Variants in DUSP16 observed in about 807,000 individuals in gnomAD.
The protein encoded by DUSP16 is dual specificity protein phosphatase 16.
A neutral mutation model predicts 58.3 loss-of-function variants in DUSP16; 21 were observed. That is an observed-to-expected ratio of 0.36 (90% CI 0.26 to 0.52). The LOEUF is 0.52. Ranked by LOEUF, DUSP16 falls within the 20% of genes least tolerant of loss-of-function variation. DUSP16 has a pLI of 0.94. For missense variants in DUSP16, 726 were observed against 819.0 expected, an observed-to-expected ratio of 0.89 and a Z score of 1.39; for synonymous variants, 320 against 323.8, an observed-to-expected ratio of 0.99 and a Z score of 0.12.
At chr12:12,526,776 A>G (rs1338220319) in intron 1 of DUSP16, among the ~76,000 whole-genome samples, 2 of 152,242 alleles carry the variant, frequency 1.3e-5, no homozygotes, top group East Asian at 3.9e-4. Context: ...ACTATATCCC[A>G]CTCAGAAAAA....
intron 1 of DUSP16, among the ~76,000 whole-genome samples, chr12:12,555,573 T>A (rs1490987349): frequency 6.6e-6 from 1 of 152,238 alleles, no homozygotes; most frequent in East Asian, 1.9e-4. Flanking sequence ...ATATTAATTA[T>A]CTTGCCATAC....
chr12:12,502,157 A>G (rs916842534), intron 3 of DUSP16, among the ~76,000 whole-genome samples: 1 of 152,196 alleles, frequency 6.6e-6, no homozygotes, highest in Non-Finnish European at 1.5e-5. Flanking sequence ...CAAGAAACAC[A>G]CAAAATATGC....
chr12:12,537,702 A>C (rs1364547389), intron 1 of DUSP16, among the ~76,000 whole-genome samples: 1 of 152,260 alleles, frequency 6.6e-6, no homozygotes, highest in Admixed American at 6.5e-5. Context: ...ATTATGAAAT[A>C]CATTCAAAAG....
intron 3 of DUSP16, among the ~76,000 whole-genome samples, chr12:12,517,205 T>C (rs1944166651): frequency 6.6e-6 from 1 of 152,246 alleles, no homozygotes; most frequent in African/African-American, 2.4e-5. Flanking sequence ...TATCTGATGC[T>C]TTCTTTTCTC....
intron 1 of DUSP16, among the ~76,000 whole-genome samples, chr12:12,553,628 G>C (rs1161958918): frequency 6.6e-6 from 1 of 152,060 alleles, no homozygotes; most frequent in African/African-American, 2.4e-5. Context: ...CTGCAGCCTT[G>C]ACCTGCCAGG....
intron 3 of DUSP16, among the ~76,000 whole-genome samples, chr12:12,506,899 G>A (rs1167231522): frequency 6.6e-6 from 1 of 152,170 alleles, no homozygotes; most frequent in Non-Finnish European, 1.5e-5. Flanking sequence ...AAAACATCTG[G>A]TACAGCTTCT....
chr12:12,561,576 G>A (rs189208679), intron 1 of DUSP16, among the ~76,000 whole-genome samples: 48 of 152,326 alleles, frequency 3.2e-4, no homozygotes, highest in African/African-American at 1.0e-3. Flanking sequence ...TCCGAAAATT[G>A]AGGGCTTTTT....
At chr12:12,551,377 G>A (rs1037491744) in intron 1 of DUSP16, among the ~76,000 whole-genome samples, 9 of 150,394 alleles carry the variant, frequency 6.0e-5, no homozygotes, top group South Asian at 2.1e-4. Flanking sequence ...GTGGTGGTGC[G>A]TGTAATCTGA....
At chr12:12,543,832 CTATT>C (rs1329563057) in intron 1 of DUSP16, among the ~76,000 whole-genome samples, 1 of 151,572 alleles carries the variant, frequency 6.6e-6, no homozygotes, top group Admixed American at 6.6e-5. Context: ...TAAGCCTGTT[CTATT>C]TATTTATGAG....
chr12:12,502,881 G>A (rs1479913703), intron 3 of DUSP16, among the ~76,000 whole-genome samples: 2 of 151,948 alleles, frequency 1.3e-5, no homozygotes, highest in Non-Finnish European at 2.9e-5. Flanking sequence ...ACATTTCCAT[G>A]CCGTTCTCTT....
chr12:12,538,775 G>T (rs1013358615), intron 1 of DUSP16, among the ~76,000 whole-genome samples: 1 of 152,154 alleles, frequency 6.6e-6, no homozygotes, highest in Admixed American at 6.5e-5. Context: ...AGGAACCCTC[G>T]AAGCAAATGC....
intron 5 of DUSP16, among the ~76,000 whole-genome samples, chr12:12,483,219 GAAGT>G (rs1326815300): frequency 6.6e-6 from 1 of 152,068 alleles, no homozygotes; most frequent in East Asian, 1.9e-4. Context: ...TAAAAAGAAG[GAAGT>G]AATACTAAGA....
In DUSP16 at chr12:12,562,690, T is replaced by G. The variant is rs1944925860; in HGVS notation, c.-939A>C. ...TTGAAACCAATCCCAGTGAATGAACTCAGCGGAGCCCCGGGGAAAGGAGGA... is the reference window on the plus strand; with the variant it reads ...TTGAAACCAATCCCAGTGAATGAACGCAGCGGAGCCCCGGGGAAAGGAGGA... On this transcript the variant is annotated 5_prime_UTR_variant, in exon 1 of 7. It removes the in-frame stop codon of an upstream open reading frame in the 5' UTR. Coordinates refer to ENST00000298573, the MANE Select transcript of DUSP16 (RefSeq NM_030640.3). Among the ~76,000 whole-genome samples, 1 of 151,674 alleles carries G rather than the reference T, an allele frequency of 6.6e-6. No homozygotes were observed. The highest frequency in any genetic ancestry group is 6.6e-5 in the Admixed American group (1 of 15,246).
At chr12:12,490,588 A>G (rs1943748604) in intron 4 of DUSP16, among the ~76,000 whole-genome samples, 1 of 152,212 alleles carries the variant, frequency 6.6e-6, no homozygotes, top group Non-Finnish European at 1.5e-5. Flanking sequence ...ATAAACATGC[A>G]TGAATACACT....
At chr12:12,539,751 T>TAAAAA (rs71061077) in intron 1 of DUSP16, among the ~76,000 whole-genome samples, 1 of 139,528 alleles carries the variant, frequency 7.2e-6, no homozygotes. Flanking sequence ...AGCAGTTATT[T>TAAAAA]AAAAAAAAAA....
chr12:12,478,438 T>TCC (rs1943500849), intron 6 of DUSP16, among the ~76,000 whole-genome samples: 1 of 152,056 alleles, frequency 6.6e-6, no homozygotes, highest in African/African-American at 2.4e-5. Context: ...GCACGTGCAG[T>TCC]CCTCCCACCT....
intron 1 of DUSP16, among the ~76,000 whole-genome samples, chr12:12,546,721 T>C (rs1944646016): frequency 6.6e-6 from 1 of 152,212 alleles, no homozygotes; most frequent in Admixed American, 6.5e-5. Flanking sequence ...CCCATTCCTA[T>C]TTGGTTTACT....
chr12:12,512,130 G>A (rs572872716), intron 3 of DUSP16, among the ~76,000 whole-genome samples: 16 of 152,268 alleles, frequency 1.1e-4, no homozygotes, highest in Non-Finnish European at 1.9e-4. Flanking sequence ...CAATTTAGAC[G>A]AATTCATGCC....
chr12:12,530,158 C>T (rs571810006), intron 1 of DUSP16, among the ~76,000 whole-genome samples: 9 of 152,222 alleles, frequency 5.9e-5, no homozygotes, highest in African/African-American at 2.2e-4. Context: ...TTCCTTTCTC[C>T]ACATCCTTAC....
Sources: allele counts gnomAD v4.1 joint callset (sites outside exome capture counted in the v4.1 genomes callset), GRCh38; gene constraint gnomAD v4.1.1; transcripts MANE v1.5; gene names NCBI Gene and HGNC (gene_info 2026-07-23, HGNC 2026-07-21).